Variants in STARD13 observed in about 807,000 individuals in gnomAD.
STARD13 encodes stAR-related lipid transfer protein 13.
A neutral mutation model predicts 106.4 loss-of-function variants in STARD13; 62 were observed. The ratio of observed to expected loss-of-function variants is 0.58; its 90% CI spans 0.48 to 0.72. The LOEUF is 0.72. Ranked by LOEUF, STARD13 falls within the 30% of genes least tolerant of loss-of-function variation. The probability of loss-of-function intolerance (pLI) is 0.00; values close to 1 mark genes in which losing one functional copy is unlikely to be tolerated. For synonymous variants in STARD13, 565 were observed against 553.0 expected (o/e 1.02, Z -0.31); for missense variants, 1,387 against 1,424.0 (o/e 0.97, Z 0.42).
chr13:33,285,764 A>G, upstream of STARD13: 3 of 1,482,630 alleles, frequency 2.0e-6, no homozygotes, highest in Non-Finnish European at 2.7e-6. Flanking sequence ...TTAAAAAGAA[A>G]GAGGAGTGCC....
chr13:33,167,979 TC>T (rs1883524911), intron 1 of STARD13, among the ~76,000 whole-genome samples: 2 of 60,092 alleles, frequency 3.3e-5, no homozygotes, highest in Non-Finnish European at 6.3e-5. Context: ...TCTTTACAAT[TC>T]TTTTTTTTTT....
the STARD13 span, among the ~76,000 whole-genome samples, chr13:33,544,129 A>G: frequency 3.9e-5 from 6 of 152,226 alleles, no homozygotes; most frequent in Non-Finnish European, 7.3e-5. Context: ...ATTAGAAATG[A>G]CTAAAATTAA....
At chr13:33,498,041 A>C in the STARD13 span, among the ~76,000 whole-genome samples, 1 of 152,230 alleles carries the variant, frequency 6.6e-6, no homozygotes, top group Non-Finnish European at 1.5e-5. Context: ...AATAGTGGCT[A>C]ATAAAAAAGA....
the STARD13 span, among the ~76,000 whole-genome samples, chr13:33,559,379 A>T: frequency 6.6e-6 from 1 of 151,768 alleles, no homozygotes; most frequent in East Asian, 1.9e-4. Flanking sequence ...TGGAGAATAA[A>T]GAAATTAAGG....
the STARD13 span, among the ~76,000 whole-genome samples, chr13:33,477,164 G>A: frequency 2.0e-5 from 3 of 152,166 alleles, no homozygotes; most frequent in Non-Finnish European, 4.4e-5. Flanking sequence ...CTTATGTTTT[G>A]TATGGCTAAT....
At chr13:33,604,088 A>T in the STARD13 span, among the ~76,000 whole-genome samples, 1 of 152,360 alleles carries the variant, frequency 6.6e-6, no homozygotes, top group South Asian at 2.1e-4. Context: ...TTAAAAATTA[A>T]ATTGACAGAT....
chr13:33,163,272 C>T (rs928691962), intron 3 of STARD13, among the ~76,000 whole-genome samples: 2 of 151,814 alleles, frequency 1.3e-5, no homozygotes, highest in African/African-American at 4.8e-5. Flanking sequence ...GGTGGGGACA[C>T]AGAGCCAAAC....
chr13:33,265,675 T>G (rs747472635), intron 1 of STARD13, among the ~76,000 whole-genome samples: 8 of 152,168 alleles, frequency 5.3e-5, no homozygotes, highest in Non-Finnish European at 1.2e-4. Flanking sequence ...GTTCGTAGTT[T>G]ATTGTATTTA....
the STARD13 span, among the ~76,000 whole-genome samples, chr13:33,455,088 A>G: frequency 6.6e-6 from 1 of 152,224 alleles, no homozygotes; most frequent in Admixed American, 6.5e-5. Context: ...AACATAATGG[A>G]AAACAGGAGG....
chr13:33,406,782 A>G, the STARD13 span, among the ~76,000 whole-genome samples: 2 of 152,218 alleles, frequency 1.3e-5, no homozygotes, highest in Admixed American at 1.3e-4. Context: ...TAGACCCATA[A>G]AGGACCCTTG....
chr13:33,549,800 A>G, the STARD13 span, among the ~76,000 whole-genome samples: 12 of 152,176 alleles, frequency 7.9e-5, no homozygotes, highest in South Asian at 1.9e-3. Context: ...TTTTTTTCTC[A>G]TGTGACATAT....
At chr13:33,603,327 C>T in the STARD13 span, among the ~76,000 whole-genome samples, 18 of 152,306 alleles carry the variant, frequency 1.2e-4, no homozygotes, top group East Asian at 2.3e-3. Flanking sequence ...TGGCAATACT[C>T]GTTGTCTCAG....
At chr13:33,155,238 C>T (rs1881813311) in intron 3 of STARD13, among the ~76,000 whole-genome samples, 1 of 152,148 alleles carries the variant, frequency 6.6e-6, no homozygotes, top group Non-Finnish European at 1.5e-5. Flanking sequence ...TGGTTGTTCC[C>T]CACCTCAGGG....
chr13:33,331,291 C>A (rs1594271909), intron 1 of STARD13, among the ~76,000 whole-genome samples: 1 of 152,222 alleles, frequency 6.6e-6, no homozygotes, highest in South Asian at 2.1e-4. Context: ...AACTCAGAGA[C>A]CTCCTCTGTG....
the STARD13 span, among the ~76,000 whole-genome samples, chr13:33,471,848 A>G: frequency 1.3e-5 from 2 of 152,288 alleles, no homozygotes; most frequent in East Asian, 3.9e-4. Flanking sequence ...TAAATTTACT[A>G]TTTCCTAGAT....
the STARD13 span, among the ~76,000 whole-genome samples, chr13:33,600,678 T>C: frequency 1.3e-5 from 2 of 152,222 alleles, no homozygotes; most frequent in Non-Finnish European, 2.9e-5. Context: ...AAAAGGGATG[T>C]ACACTTTTTA....
chr13:33,374,330 A>G, the STARD13 span, among the ~76,000 whole-genome samples: 4 of 152,220 alleles, frequency 2.6e-5, no homozygotes, highest in Non-Finnish European at 5.9e-5. Flanking sequence ...GTCTGGGATA[A>G]TGAAAAAGTT....
intron 6 of STARD13, 22 bp downstream of exon 6, chr13:33,127,350 TC>T (rs1263014827): frequency 1.3e-6 from 2 of 1,548,368 alleles, no homozygotes; most frequent in Non-Finnish European, 1.7e-6. Context: ...AAGGATCCCC[TC>T]CTAGGTGAAT....
chr13:33,476,966 T>A, the STARD13 span, among the ~76,000 whole-genome samples: 1 of 152,146 alleles, frequency 6.6e-6, no homozygotes, highest in Non-Finnish European at 1.5e-5. Flanking sequence ...ATTAAAGCTG[T>A]TCAATCCTTT....
Sources: allele counts gnomAD v4.1 joint callset (sites outside exome capture counted in the v4.1 genomes callset), GRCh38; gene constraint gnomAD v4.1.1; transcripts MANE v1.5; gene names NCBI Gene and HGNC (gene_info 2026-07-23, HGNC 2026-07-21).